Variants in NOL4 observed in about 807,000 individuals in gnomAD.
The protein encoded by NOL4 is nucleolar protein 4, also known as cancer/testis antigen 125.
NOL4 carries 17 observed loss-of-function variants against 75.9 expected under a neutral mutation model. That is an observed-to-expected ratio of 0.22 (90% confidence interval 0.15 to 0.34). The LOEUF is 0.34. Ranked by LOEUF, NOL4 falls within the 10% of genes least tolerant of loss-of-function variation. The pLI, the probability that NOL4 is intolerant of heterozygous loss-of-function variation, is 1.00. For synonymous variants in NOL4, 292 were observed against 289.9 expected (o/e 1.01, Z -0.07); for missense variants, 614 against 793.5 (o/e 0.77, Z 2.72).
At chr18:33,895,548 T>C (rs942595929) in intron 9 of NOL4, among the ~76,000 whole-genome samples, 1 of 152,158 alleles carries the variant, frequency 6.6e-6, no homozygotes, top group Non-Finnish European at 1.5e-5. Context: ...TATTTGGCCA[T>C]TGGTTTTATA....
At chr18:33,894,999 G>A (rs140128054) in intron 9 of NOL4, among the ~76,000 whole-genome samples, 1 of 152,104 alleles carries the variant, frequency 6.6e-6, no homozygotes, top group Non-Finnish European at 1.5e-5. Flanking sequence ...AAAATGATAG[G>A]TAAATGAAGT....
intron 1 of NOL4, among the ~76,000 whole-genome samples, chr18:34,149,046 C>T (rs28620892): frequency 0.015 from 2,290 of 151,576 alleles, 60 homozygotes; most frequent in African/African-American, 0.053. Flanking sequence ...GTTATTGTGG[C>T]TAATTCAGTG....
At chr18:34,195,506 C>T (rs2035261762) in intron 1 of NOL4, among the ~76,000 whole-genome samples, 1 of 151,728 alleles carries the variant, frequency 6.6e-6, no homozygotes, top group African/African-American at 2.4e-5. Context: ...GTACGAAATA[C>T]TGAAGAGGCC....
intron 9 of NOL4, among the ~76,000 whole-genome samples, chr18:33,894,712 A>G (rs773282685): frequency 4.1e-4 from 63 of 152,068 alleles, no homozygotes; most frequent in Non-Finnish European, 8.1e-4. Flanking sequence ...ACATACACAC[A>G]CTACATGATT....
intron 9 of NOL4, among the ~76,000 whole-genome samples, chr18:33,924,092 A>C (rs1195086732): frequency 1.3e-5 from 2 of 152,200 alleles, no homozygotes; most frequent in Non-Finnish European, 2.9e-5. Flanking sequence ...AACGTGTTGC[A>C]TTTAGGGCAG....
At chr18:34,090,867 C>CT (rs2078482482) in intron 5 of NOL4, among the ~76,000 whole-genome samples, 1 of 152,036 alleles carries the variant, frequency 6.6e-6, no homozygotes, top group Admixed American at 6.6e-5. Context: ...ACTATAAAGT[C>CT]TTTTGCAGGG....
At chr18:33,913,252 TTTC>T (rs1405024814) in intron 9 of NOL4, among the ~76,000 whole-genome samples, 5 of 152,256 alleles carry the variant, frequency 3.3e-5, no homozygotes, top group Non-Finnish European at 7.4e-5. Flanking sequence ...CATATCCCTG[TTTC>T]TTCTTATCAC....
rs1174730527 is a variant in NOL4 at position 34,167,044 on chromosome 18, CAAAAAAAAAAAAAAAAAAAA to C, written c.265-37044_265-37025del. 5.1e-3 allele frequency among the ~76,000 whole-genome samples: 29 copies of C among 5,666 alleles called. 7 individuals carry two copies. The highest frequency in any genetic ancestry group is 0.017 in the African/African-American group (24 of 1,440). 3.7% of individuals were successfully genotyped at this position (5,666 alleles called of 152,430 possible). On this transcript the variant is annotated intron_variant, in intron 1 of 10. Coordinates refer to ENST00000261592, the MANE Select transcript of NOL4 (RefSeq NM_003787.5). ...TGGGCGACAGAGCGAGACTCCGTCT[CAAAAAAAAAAAAAAAAAAAA>C]AAAAAAAAAAAAAAAATAGTAAAAA...
At chr18:34,159,762 C>G (rs1284200210) in intron 1 of NOL4, among the ~76,000 whole-genome samples, 1 of 152,122 alleles carries the variant, frequency 6.6e-6, no homozygotes, top group Non-Finnish European at 1.5e-5. Flanking sequence ...TCCTTTCTCC[C>G]TTTTTTCTGC....
intron 5 of NOL4, among the ~76,000 whole-genome samples, chr18:34,066,402 AAG>A (rs2077276625): frequency 6.6e-6 from 1 of 151,914 alleles, no homozygotes. Flanking sequence ...CCAATTATTT[AAG>A]AGTCTTCACA....
chr18:34,141,450 T>A (rs1216864435), intron 1 of NOL4, among the ~76,000 whole-genome samples: 1 of 152,158 alleles, frequency 6.6e-6, no homozygotes, highest in Non-Finnish European at 1.5e-5. Context: ...AAGGCTACAG[T>A]AACCAAAACA....
rs149794875 is a variant in NOL4 at position 34,121,654 on chromosome 18, G to A, written c.414+8217C>T. On this transcript the variant is annotated intron_variant, in intron 2 of 10. Coordinates refer to ENST00000261592, the MANE Select transcript of NOL4 (RefSeq NM_003787.5). ...TGTGAGATGACGACAGTGCACTATG[G>A]TTGCAGAATCAGTTGTCTGAATTAT... 2.0e-3 allele frequency among the ~76,000 whole-genome samples: 304 copies of A among 152,302 alleles called. 1 individual carries two copies. Among genetic ancestry groups the A allele is most frequent in the Admixed American group, 3.7e-3 (57 of 15,298 alleles).
At chr18:34,019,167 A>G (rs941785430) in intron 6 of NOL4, 151 bp downstream of exon 6, 64 of 651,316 alleles carry the variant, frequency 9.8e-5, no homozygotes, top group Non-Finnish European at 1.5e-4. Flanking sequence ...TAAACACACA[A>G]TATGCTTGGT....
At chr18:34,009,810 A>G (rs922360499) in intron 6 of NOL4, among the ~76,000 whole-genome samples, 2 of 151,926 alleles carry the variant, frequency 1.3e-5, no homozygotes, top group Non-Finnish European at 2.9e-5. Flanking sequence ...TTGTAGTTTA[A>G]ATACAAATTT....
intron 1 of NOL4, among the ~76,000 whole-genome samples, chr18:34,183,267 T>C (rs1406959662): frequency 6.6e-6 from 1 of 151,586 alleles, no homozygotes; most frequent in Non-Finnish European, 1.5e-5. Flanking sequence ...AAATAAAATA[T>C]GTGGATGCAA....
Position 33,958,294 on chromosome 18 carries a change from G to C in NOL4, c.1181C>G (p.Ser394Trp). 6.2e-7 allele frequency: 1 copy of C among 1,613,692 alleles called. No individual in the cohort carries two copies. The highest frequency in any genetic ancestry group is 1.3e-5 in the African/African-American group (1 of 74,982). Residue 394 changes from serine to tryptophan, a missense_variant, in exon 7 of 11, where the codon TCG becomes TGG. By Grantham distance (177) the Ser-to-Trp change is radical. This residue lies in a region of NOL4 where 196 missense variants were observed against 167.9 expected (regional missense o/e 1.17). Transcript: ENST00000261592. ...GCCGTCTGTCTCATTAACTTTCTCC[G>C]AATCGTCATGGTCCTCGTGGTCATC... ...DEDDHEDHDD[S>W]EKVNETDGVE... is the part of the protein sequence containing the mutation.
At chr18:34,055,654 G>A (rs1198684594) in intron 5 of NOL4, among the ~76,000 whole-genome samples, 1 of 151,714 alleles carries the variant, frequency 6.6e-6, no homozygotes, top group East Asian at 1.9e-4. Context: ...CTCAAATTTG[G>A]GAAGTTTTTT....
chr18:34,074,055 TAAG>T (rs1261642883), intron 5 of NOL4, among the ~76,000 whole-genome samples: 1 of 151,510 alleles, frequency 6.6e-6, no homozygotes, highest in Non-Finnish European at 1.5e-5. Flanking sequence ...CATTAGAAAA[TAAG>T]AGGAAACAGC....
intron 1 of NOL4, among the ~76,000 whole-genome samples, chr18:34,172,356 T>C (rs1000410373): frequency 2.0e-5 from 3 of 152,056 alleles, no homozygotes; most frequent in Non-Finnish European, 4.4e-5. Flanking sequence ...TAAAATTGTA[T>C]TATTTTTTAT....
Sources: allele counts gnomAD v4.1 joint callset (sites outside exome capture counted in the v4.1 genomes callset), GRCh38; gene constraint gnomAD v4.1.1; regional missense constraint gnomAD v4.1.1; transcripts MANE v1.5; gene names NCBI Gene and HGNC (gene_info 2026-07-23, HGNC 2026-07-21).